The following ACTN4 variants were observed in gnomAD, a reference collection of about 807,000 sequenced individuals.
The protein encoded by ACTN4 is actinin alpha 4.
ACTN4 carries 18 observed loss-of-function variants against 114.2 expected under a neutral mutation model. The observed-to-expected ratio is 0.16, with a 90% CI of 0.11 to 0.23. ACTN4 has a LOEUF of 0.23. ACTN4 is among the 10% of genes least tolerant of loss of function. The pLI is 1.00. For missense variants in ACTN4, 722 were observed against 1,262.9 expected (o/e 0.57, Z 6.49); for synonymous variants, 515 against 506.3 (o/e 1.02, Z -0.23).
In ACTN4 at chr19:38,724,358, T is replaced by G. The variant is rs1969157517; in HGVS notation, c.1875+19T>G. On this transcript the variant is annotated intron_variant, in intron 15 of 20. Coordinates refer to ENST00000252699, the MANE Select transcript of ACTN4 (RefSeq NM_004924.6). The surrounding 1 kb of genome is among the most constrained non-coding windows in gnomAD (Gnocchi z 7.0). ...GGAGAAGGTGGGCCGGGGCCATCCG[T>G]AGGGGCTGGGGCAGGACGGCGGGGC... is the stretch of plus-strand genomic sequence containing the variant. 6.2e-7 allele frequency: 1 copy of G among 1,612,916 alleles called. No individual in the cohort carries two copies. Among genetic ancestry groups the G allele is most frequent in the East Asian group, 2.2e-5 (1 of 44,848 alleles).
chr19:38,710,872 G>A (rs1330773532), intron 8 of ACTN4: 3 of 233,902 alleles, frequency 1.3e-5, no homozygotes, highest in Non-Finnish European at 2.6e-5. Flanking sequence ...TGAGTGACAC[G>A]CAGTGATGGG....
intron 8 of ACTN4, among the ~76,000 whole-genome samples, chr19:38,711,819 G>A (rs1027820015): frequency 6.6e-5 from 10 of 152,202 alleles, no homozygotes; most frequent in African/African-American, 2.4e-4. Flanking sequence ...AGCATGTGCA[G>A]CCCAACCTGC....
intron 6 of ACTN4, among the ~76,000 whole-genome samples, chr19:38,708,518 A>T (rs1015264536): frequency 6.6e-6 from 1 of 152,138 alleles, no homozygotes; most frequent in South Asian, 2.1e-4. Context: ...CCTCTGCCCA[A>T]AGGGGCAGAG....
rs1188553891 is a variant in ACTN4 at position 38,718,028 on chromosome 19, A to G, written c.1245A>G (p.Ala415=). The G allele has an allele frequency of 6.2e-7, 1 of 1,608,352 alleles. No homozygotes were observed. ...GGCTGGAGCGGCTCGACCACCTGGC[A>G]GAGAAGTTCCGGCAGAAGGCCTCCA... ...IRRLERLDHL[A]EKFRQKASIH... Residue 415 remains alanine, a synonymous_variant, in exon 11 of 21, where the codon GCA becomes GCG. Transcript: ENST00000252699.
rs138108445 is a variant in ACTN4, at chr19:38,724,974, G to A, written c.2010+409G>A. Among the ~76,000 whole-genome samples the A allele has an allele frequency of 9.3e-4, 142 of 152,350 alleles. No homozygotes were observed. The highest frequency in any genetic ancestry group is 3.2e-3 in the African/African-American group (132 of 41,580). ...GGTCTCTAGTGGGCTACCTATGGGA[G>A]GTGGGTTTGATCCCTGAATGCCCTG... On this transcript the variant is annotated intron_variant, in intron 16 of 20. Transcript: ENST00000252699. This position sits in a 1 kb window ranked among gnomAD's most constrained non-coding sequence, Gnocchi z 7.0.
intron 1 of ACTN4, among the ~76,000 whole-genome samples, chr19:38,668,317 A>G (rs1270025962): frequency 6.6e-6 from 1 of 152,210 alleles, no homozygotes; most frequent in African/African-American, 2.4e-5. Flanking sequence ...TCCACCTGAC[A>G]TTTACCCAGA....
chr19:38,726,064 G>A (rs1168648893), intron 17 of ACTN4, among the ~76,000 whole-genome samples, 161 bp downstream of exon 17: 1 of 152,182 alleles, frequency 6.6e-6, no homozygotes, highest in African/African-American at 2.4e-5. Context: ...CAAGTGGGAG[G>A]ATGGCTTGAG....
chr19:38,711,777 G>A (rs1018998082), intron 8 of ACTN4, among the ~76,000 whole-genome samples: 5 of 152,240 alleles, frequency 3.3e-5, no homozygotes, highest in Admixed American at 3.3e-4. Flanking sequence ...GGCTTTACCC[G>A]TTTTGCAGCT....
intron 8 of ACTN4, 67 bp from the exon 9 acceptor site, chr19:38,714,401 AG>A (rs1968769989): frequency 4.1e-6 from 6 of 1,462,560 alleles, no homozygotes; most frequent in Non-Finnish European, 5.7e-6. Context: ...GCTGCTTTCA[AG>A]GGACGTGCCC....
chr19:38,678,273 C>A lies in ACTN4; in HGVS notation c.163-22327C>A, dbSNP rs192672389. On this transcript the variant is annotated intron_variant, in intron 1 of 20. Transcript: ENST00000252699. ...TTTTGTTTTTTCCTTTTTGAGACTT[C>A]CTTTTTATACAGAAATTGCTACCTG... Among the ~76,000 whole-genome samples the A allele has an allele frequency of 1.3e-3, 196 of 152,262 alleles. 4 individuals carry two copies. The South Asian group carries it at 0.027, about 21-fold the overall frequency.
At chr19:38,718,260 C>A in intron 11 of ACTN4, 186 bp downstream of exon 11, 1 of 1,035,288 alleles carries the variant, frequency 9.7e-7, no homozygotes, top group Non-Finnish European at 1.4e-6. Context: ...GGTTCAGTGG[C>A]TCACACCTGT....
chr19:38,717,183 A>G lies in ACTN4; in HGVS notation c.1010A>G (p.Asp337Gly), dbSNP rs767446241. ...EMQQKLEDFR[D>G]YRRVHKPPKV... is the part of the protein sequence containing the mutation. ...CAGCAGAAGCTGGAGGACTTCCGCG[A>G]CTACCGGCGTGTGCACAAGCCGCCC... is the stretch of plus-strand genomic sequence containing the variant. Residue 337 changes from aspartate to glycine, a missense_variant, in exon 10 of 21, where the codon GAC becomes GGC. Transcript: ENST00000252699. This position sits in a 1 kb window ranked among gnomAD's most constrained non-coding sequence, Gnocchi z 4.0. The G allele has an allele frequency of 9.9e-6, 16 of 1,614,146 alleles. No homozygotes were observed. In the Admixed American group the frequency reaches 2.7e-4, roughly 27 times the overall value.
intron 1 of ACTN4, among the ~76,000 whole-genome samples, chr19:38,661,051 G>A (rs1352406587): frequency 6.6e-6 from 1 of 152,188 alleles, no homozygotes; most frequent in Admixed American, 6.5e-5. Context: ...GGCCCCCGAG[G>A]AGCAGAAAGG....
intron 3 of ACTN4, among the ~76,000 whole-genome samples, chr19:38,701,393 G>T (rs1968271932): frequency 6.6e-6 from 1 of 152,206 alleles, no homozygotes; most frequent in African/African-American, 2.4e-5. Context: ...GCTTCTGCAG[G>T]GGGAGGAATG....
intron 13 of ACTN4, 38 bp downstream of exon 13, chr19:38,723,760 C>T: frequency 6.5e-7 from 1 of 1,541,226 alleles, no homozygotes. Flanking sequence ...AGCTCTGTGC[C>T]CCTGCTGCCC....
intron 1 of ACTN4, among the ~76,000 whole-genome samples, chr19:38,659,988 C>T (rs1976832939): frequency 6.8e-6 from 1 of 146,874 alleles, no homozygotes; most frequent in African/African-American, 2.5e-5. Flanking sequence ...GGCAGGATCT[C>T]AGCTCACTGC....
In ACTN4 at chr19:38,730,978, A is replaced by ACCT; in HGVS notation, c.*1546_*1547insCCT. Reference sequence around the variant, plus strand: ...CACCTGGCTCACCTGTCTGTGGGTCAGGCAGATGACCCCCTCACCCCCATC... The same window carrying ACCT: ...CACCTGGCTCACCTGTCTGTGGGTCACCTGGCAGATGACCCCCTCACCCCCATC... On this transcript the variant is annotated 3_prime_UTR_variant, in exon 21 of 21. Transcript: ENST00000252699. 6.4e-6 allele frequency: 10 copies of ACCT among 1,551,030 alleles called. No homozygotes were observed. Among genetic ancestry groups the ACCT allele is most frequent in the Middle Eastern group, 3.3e-4 (2 of 5,990 alleles).
rs1976420116 is a variant in ACTN4, at chr19:38,647,650, A to G, written c.-96A>G. On this transcript the variant is annotated 5_prime_UTR_variant, in exon 1 of 21. Coordinates refer to ENST00000252699, the MANE Select transcript of ACTN4 (RefSeq NM_004924.6). ...GCAGGCGCGGGCGGAGGGCGGGCTG[A>G]AGCAGCTGAAGCGGCGGTAGCGGCG... 6.9e-7 allele frequency: 1 copy of G among 1,441,784 alleles called. No homozygotes were observed. 89.3% of individuals were successfully genotyped at this position (1,441,784 alleles called of 1,614,324 possible).
Position 38,714,206 on chromosome 19 carries a change from G to A in ACTN4, c.820-263G>A, listed in dbSNP as rs10403540. 0.38 allele frequency among the ~76,000 whole-genome samples: 58,182 copies of A among 152,094 alleles called. 12,203 individuals are homozygous for A. The highest frequency in any genetic ancestry group is 0.47 in the Non-Finnish European group (31,677 of 67,954). On this transcript the variant is annotated intron_variant, in intron 8 of 20. Transcript: ENST00000252699. ...CTGTGTGGGGCACTAGAGGGTTTGC[G>A]AGCAGCAGTGGGAGGGCTCCCCAAC...
Sources: allele counts gnomAD v4.1 joint callset (sites outside exome capture counted in the v4.1 genomes callset), GRCh38; gene constraint gnomAD v4.1.1; non-coding constraint Gnocchi (gnomAD v3.1); transcripts MANE v1.5; gene names NCBI Gene and HGNC (gene_info 2026-07-23, HGNC 2026-07-21).